DNAH10: variants seen among roughly 807,000 people sequenced by gnomAD.
DNAH10 encodes the protein axonemal beta dynein heavy chain 10.
Under a neutral mutation model 506.6 loss-of-function variants are expected in DNAH10, and 348 were observed. That is an observed-to-expected ratio of 0.69 (90% confidence interval 0.63 to 0.75). DNAH10 has a LOEUF of 0.75. Among genes scored for constraint, DNAH10 ranks in the 30% least tolerant of loss-of-function variants. The pLI, the probability that DNAH10 is intolerant of heterozygous loss-of-function variation, is 0.00. For synonymous variants in DNAH10, 2,059 were observed against 2,198.6 expected (o/e 0.94, Z 1.78); for missense variants, 5,179 against 5,787.1 (o/e 0.89, Z 3.41).
intron 50 of DNAH10, among the ~76,000 whole-genome samples, chr12:123,880,654 C>CTT (rs35412520): frequency 2.3e-4 from 34 of 147,434 alleles, no homozygotes; most frequent in South Asian, 4.3e-4. Context: ...TTTAAATTCT[C>CTT]TTTTTTTTTT....
chr12:123,832,703 G>T (rs975193421), intron 26 of DNAH10, among the ~76,000 whole-genome samples: 1 of 152,188 alleles, frequency 6.6e-6, no homozygotes, highest in Non-Finnish European at 1.5e-5. Flanking sequence ...TTGTAATTTG[G>T]TTTTTGTGAC....
chr12:123,832,798 C>T (rs906825382), intron 26 of DNAH10, among the ~76,000 whole-genome samples: 1 of 152,280 alleles, frequency 6.6e-6, no homozygotes, highest in African/African-American at 2.4e-5. Flanking sequence ...TTCTGGGGCT[C>T]AGTAGCTGAG....
chr12:123,894,775 A>G, intron 54 of DNAH10, 52 bp downstream of exon 54: 3 of 1,513,066 alleles, frequency 2.0e-6, no homozygotes, highest in Non-Finnish European at 1.8e-6. Context: ...AAAGCAATTT[A>G]TTTTCCCTTT....
At chr12:123,880,328 TA>T (rs1188258188) in intron 50 of DNAH10, among the ~76,000 whole-genome samples, 2 of 152,078 alleles carry the variant, frequency 1.3e-5, no homozygotes, top group African/African-American at 2.4e-5. Context: ...AGTGATCCTT[TA>T]AGACATTATT....
intron 53 of DNAH10, among the ~76,000 whole-genome samples, chr12:123,894,238 ACAC>A: frequency 6.6e-6 from 1 of 151,274 alleles, no homozygotes; most frequent in East Asian, 1.9e-4. Flanking sequence ...CTATAGGCGC[ACAC>A]CACCACGCTG....
Position 123,916,762 on chromosome 12 carries a change from C to T in DNAH10, c.11002+26C>T. On this transcript the variant is annotated intron_variant, in intron 63 of 78. Transcript: ENST00000673944. This position sits in a 1 kb window ranked among gnomAD's most constrained non-coding sequence, Gnocchi z 4.6. ...GTAAGAATGTGTAGAACCTCCACTGCTAATTCAGATGGTTATGAGGGAGAC... is the reference window on the plus strand; with the variant it reads ...GTAAGAATGTGTAGAACCTCCACTGTTAATTCAGATGGTTATGAGGGAGAC... 6.3e-7 allele frequency: 1 copy of T among 1,582,560 alleles called. No individual in the cohort carries two copies. The highest frequency in any genetic ancestry group is 1.2e-5 in the South Asian group (1 of 86,484).
At position 123,897,797 on chromosome 12, in the gene DNAH10, A is replaced by G; in HGVS notation, c.9308A>G (p.Asn3103Ser). ...TATAATCCAATGATCCCGGCAGAAA[A>G]TATAGAAAATGTGGTGAAGCATGTT... ...LGYNPMIPAE[N>S]IENVVKHVVL... is the part of the protein sequence containing the mutation. Residue 3103 changes from asparagine (N) to serine (S), a missense_variant, in exon 55 of 79, where the codon AAT (asparagine) becomes AGT (serine). Asn to Ser is a conservative substitution (Grantham distance 46). Coordinates refer to ENST00000673944, the MANE Select transcript of DNAH10 (RefSeq NM_001372106.1). The G allele has an allele frequency of 6.2e-7, 1 of 1,608,390 alleles. No individual in the cohort carries two copies. The highest frequency in any genetic ancestry group is 8.5e-7 in the Non-Finnish European group (1 of 1,178,606).
In DNAH10 at chr12:123,893,361, G is replaced by T. The variant is rs1428877677; in HGVS notation, c.9124G>T (p.Ala3042Ser). The change falls in exon 53 of 79, where the codon GCA (alanine) becomes TCA (serine). Residue 3042 changes from alanine (A) to serine (S), a missense_variant. Ala to Ser is a moderately conservative substitution (Grantham distance 99, BLOSUM62 1). Coordinates refer to ENST00000673944, the MANE Select transcript of DNAH10 (RefSeq NM_001372106.1). ...GTGGCAGTACTTCGTGAACAAAAGT[G>T]CAAATAACCTGCACATTGTCCTGGG... is the stretch of plus-strand genomic sequence containing the variant. The part of the protein sequence containing the change: ...SVWQYFVNKS[A>S]NNLHIVLGMS... The T allele has an allele frequency of 6.2e-7, 1 of 1,614,014 alleles. No homozygotes were observed. Among genetic ancestry groups the T allele is most frequent in the East Asian group, 2.2e-5 (1 of 44,884 alleles).
At chr12:123,851,806 C>T (rs571769391) in intron 35 of DNAH10, among the ~76,000 whole-genome samples, 30 of 152,226 alleles carry the variant, frequency 2.0e-4, no homozygotes, top group Non-Finnish European at 3.5e-4. Context: ...CAGGGTCTTA[C>T]TCTGTCACCC....
intron 36 of DNAH10, among the ~76,000 whole-genome samples, chr12:123,856,155 T>C (rs1281376895): frequency 1.4e-5 from 2 of 147,242 alleles, no homozygotes; most frequent in African/African-American, 4.9e-5. Context: ...TTATAAATAA[T>C]ACAAATATAA....
At chr12:123,829,111 C>G (rs1401442291) in intron 25 of DNAH10, among the ~76,000 whole-genome samples, 1 of 152,160 alleles carries the variant, frequency 6.6e-6, no homozygotes, top group African/African-American at 2.4e-5. Flanking sequence ...AGGTGAGCAG[C>G]CCTCACATCT....
rs1462217657 is a variant in DNAH10 at position 123,857,074 on chromosome 12, G to A, written c.6457G>A (p.Ala2153Thr). The A allele has an allele frequency of 1.6e-5, 25 of 1,612,384 alleles. No individual in the cohort carries two copies. The highest frequency in any genetic ancestry group is 2.1e-5 in the Non-Finnish European group (25 of 1,179,328). The change falls in exon 37 of 79, where the codon GCC (alanine) becomes ACC (threonine). Residue 2153 changes from alanine to threonine, a missense_variant. Coordinates refer to ENST00000673944, the MANE Select transcript of DNAH10 (RefSeq NM_001372106.1). Reference protein sequence around the residue: ...DLREDVVLMRALRDMNLPKFV... With the variant: ...DLREDVVLMRTLRDMNLPKFV... Reference sequence around the variant, plus strand: ...CCTGCAGGACGTGGTGCTGATGAGGGCCTTGCGAGACATGAACTTGCCCAA... The same window carrying A: ...CCTGCAGGACGTGGTGCTGATGAGGACCTTGCGAGACATGAACTTGCCCAA...
rs146775974 is a variant in DNAH10 at position 123,787,385 on chromosome 12, ATCTC to A, written c.1422-405_1422-402del. 0.082 allele frequency among the ~76,000 whole-genome samples: 12,270 copies of A among 150,398 alleles called. 767 individuals carry two copies. The highest frequency in any genetic ancestry group is 0.19 in the African/African-American group (7,609 of 41,088). On this transcript the variant is annotated intron_variant, in intron 9 of 78. Transcript: ENST00000673944. The surrounding 1 kb of genome is among the most constrained non-coding windows in gnomAD (Gnocchi z 4.6). ...TATGTATCCATATCTATTTATATAC[ATCTC>A]TCTCTCTCTCTCTATCTACCTGCAT...
chr12:123,934,094 AGTGGCAGGGGAG>A (rs1955352294), intron 77 of DNAH10: 3 of 607,142 alleles, frequency 4.9e-6, no homozygotes, highest in African/African-American at 1.8e-5. Flanking sequence ...TCCAGGTCTC[AGTGGCAGGGGAG>A]GTGGCAGGTG....
At position 123,931,631 on chromosome 12, in the gene DNAH10, T is replaced by C; in HGVS notation, c.12917-5T>C. On this transcript the variant is annotated splice_region_variant and splice_polypyrimidine_tract_variant and intron_variant, in intron 74 of 78. Coordinates refer to ENST00000673944, the MANE Select transcript of DNAH10 (RefSeq NM_001372106.1). ...TGCTTTCTCTGAAAAGTGTCCTGGTTTTAGGGGAATCCAGCAGTGGTATCA... is the reference window on the plus strand; with the variant it reads ...TGCTTTCTCTGAAAAGTGTCCTGGTCTTAGGGGAATCCAGCAGTGGTATCA... 6.2e-7 allele frequency: 1 copy of C among 1,613,712 alleles called. No individual in the cohort carries two copies. Among genetic ancestry groups the C allele is most frequent in the Admixed American group, 1.7e-5 (1 of 59,978 alleles).
At chr12:123,891,036 A>G (rs1476238766) in intron 52 of DNAH10, among the ~76,000 whole-genome samples, 1 of 151,736 alleles carries the variant, frequency 6.6e-6, no homozygotes, top group East Asian at 1.9e-4. Flanking sequence ...ATAGAAATCT[A>G]CTCTCACAGT....
chr12:123,763,662 C>G (rs1196486597), intron 1 of DNAH10, among the ~76,000 whole-genome samples: 1 of 149,952 alleles, frequency 6.7e-6, no homozygotes, highest in East Asian at 2.0e-4. Context: ...CTCCAGGGCT[C>G]AAGTGATTCT....
Position 123,914,376 on chromosome 12 carries a change from TGG to T in DNAH10, c.10404_10405del (p.Asp3469LeufsTer20). Reference sequence around the variant, plus strand: ...CTGATGCACCGGCGCGTGAAGCTGCTGGGGGACTGCCTGCTCTGCGCGGCTTT... The same window carrying T: ...CTGATGCACCGGCGCGTGAAGCTGCTGGGACTGCCTGCTCTGCGCGGCTTT... On this transcript the variant is annotated frameshift_variant, in exon 61 of 79. Transcript: ENST00000673944. LOFTEE classifies it high-confidence loss of function. 3 of 1,613,426 alleles carry T rather than the reference TGG, an allele frequency of 1.9e-6. No homozygotes were observed. The highest frequency in any genetic ancestry group is 2.5e-6 in the Non-Finnish European group (3 of 1,179,872).
intron 57 of DNAH10, chr12:123,908,586 T>C (rs1953918981): frequency 2.2e-6 from 1 of 455,894 alleles, no homozygotes; most frequent in East Asian, 6.9e-5. Context: ...TTCTCTGGCC[T>C]TTGTACCAGC....
Sources: allele counts gnomAD v4.1 joint callset (sites outside exome capture counted in the v4.1 genomes callset), GRCh38; gene constraint gnomAD v4.1.1; non-coding constraint Gnocchi (gnomAD v3.1); transcripts MANE v1.5; gene names NCBI Gene and HGNC (gene_info 2026-07-23, HGNC 2026-07-21).